The following PKN2 variants were observed in gnomAD, a reference collection of about 807,000 sequenced individuals.
PKN2 encodes the protein serine/threonine-protein kinase N2.
In PKN2, 38 loss-of-function variants were observed where a neutral mutation model predicts 119.1. The ratio of observed to expected loss-of-function variants is 0.32; its 90% CI spans 0.25 to 0.42. PKN2 has a LOEUF of 0.42. PKN2 is among the 10% of genes least tolerant of loss of function. The pLI, the probability that PKN2 is intolerant of heterozygous loss-of-function variation, is 1.00. For missense variants in PKN2, 850 were observed against 1,165.1 expected (o/e 0.73, Z 3.94); for synonymous variants, 390 against 384.9 (o/e 1.01, Z -0.15).
chr1:88,819,793 T>C lies in PKN2; in HGVS notation c.2280-2148T>C, dbSNP rs372899105. Among the ~76,000 whole-genome samples, 55 of 152,050 alleles carry C rather than the reference T, an allele frequency of 3.6e-4. 1 individual carries two copies. The South Asian group carries it at 4.2e-3, about 11-fold the overall frequency. ...TCAATGATAGACTGCATAAAGAAAA[T>C]GTGGCACATATACACCATGAAATAC... On this transcript the variant is annotated intron_variant, in intron 16 of 21. Transcript: ENST00000370521.
intron 6 of PKN2, among the ~76,000 whole-genome samples, chr1:88,781,529 A>T (rs557790439): frequency 6.6e-6 from 1 of 152,110 alleles, no homozygotes; most frequent in East Asian, 1.9e-4. Context: ...TACTTCTTGG[A>T]TTTGCTTGTT....
chr1:88,817,733 G>T (rs1672064304), intron 16 of PKN2, among the ~76,000 whole-genome samples: 2 of 151,156 alleles, frequency 1.3e-5, no homozygotes, highest in African/African-American at 4.9e-5. Context: ...GAAAAGAAAA[G>T]GCCTTCGATA....
chr1:88,754,587 T>C (rs949841348), intron 2 of PKN2, among the ~76,000 whole-genome samples: 1 of 152,190 alleles, frequency 6.6e-6, no homozygotes, highest in African/African-American at 2.4e-5. Context: ...AACACAGAAT[T>C]TGACAAGGAA....
intron 1 of PKN2, among the ~76,000 whole-genome samples, chr1:88,706,723 A>C (rs1667018047): frequency 6.6e-6 from 1 of 152,086 alleles, no homozygotes; most frequent in African/African-American, 2.4e-5. Flanking sequence ...TTCTATTGAG[A>C]CAATAATGGT....
At chr1:88,684,804 C>G (rs1388409559) in intron 1 of PKN2, 176 bp downstream of exon 1, 1 of 543,046 alleles carries the variant, frequency 1.8e-6, no homozygotes, top group Non-Finnish European at 3.1e-6. Context: ...CCCTGGGGAG[C>G]CGGACCCTCT....
intron 3 of PKN2, among the ~76,000 whole-genome samples, chr1:88,765,985 G>A (rs936410159): frequency 6.6e-6 from 1 of 152,050 alleles, no homozygotes; most frequent in Non-Finnish European, 1.5e-5. Context: ...GTAATTTTTT[G>A]TATTTTTGGT....
At chr1:88,747,036 G>GA (rs1371126209) in intron 2 of PKN2, among the ~76,000 whole-genome samples, 1 of 152,144 alleles carries the variant, frequency 6.6e-6, no homozygotes, top group Non-Finnish European at 1.5e-5. Flanking sequence ...CTTATGTGTG[G>GA]AATCTTAAAA....
At chr1:88,775,028 T>C (rs1350412026) in intron 6 of PKN2, among the ~76,000 whole-genome samples, 2 of 152,178 alleles carry the variant, frequency 1.3e-5, no homozygotes, top group Admixed American at 6.5e-5. Flanking sequence ...ACTTTTCTTA[T>C]TCCCTTCTTG....
rs199950121 is a variant in PKN2, at chr1:88,833,910, C to CTT, written c.*468_*469dup. The CTT allele has an allele frequency of 2.0e-5, 3 of 149,492 alleles. No individual in the cohort carries two copies. Among genetic ancestry groups the CTT allele is most frequent in the African/African-American group, 7.6e-5 (3 of 39,466 alleles). 9.3% of individuals were successfully genotyped at this position (149,492 alleles called of 1,614,324 possible). On this transcript the variant is annotated 3_prime_UTR_variant, in exon 22 of 22. Transcript: ENST00000370521. ...TTCTGTTTGAATAAGGCAAATGCTCCTTTTTTTAAAAAAAAAGACATTACT... is the reference window on the plus strand; with the variant it reads ...TTCTGTTTGAATAAGGCAAATGCTCCTTTTTTTTTAAAAAAAAAGACATTACT...
At chr1:88,731,875 A>AG in intron 1 of PKN2, among the ~76,000 whole-genome samples, 1 of 152,184 alleles carries the variant, frequency 6.6e-6, no homozygotes, top group East Asian at 1.9e-4. Context: ...TTCTTATTTC[A>AG]GTGTTTTTCT....
chr1:88,793,830 T>C (rs903017842), intron 8 of PKN2, among the ~76,000 whole-genome samples: 9 of 152,184 alleles, frequency 5.9e-5, no homozygotes, highest in African/African-American at 2.2e-4. Context: ...TTAGGGAATA[T>C]TGACAAGAAA....
chr1:88,813,432 CAT>C (rs200545441), intron 15 of PKN2, 123 bp from the exon 16 acceptor site: 13,327 of 623,166 alleles, frequency 0.021, 210 homozygotes, highest in African/African-American at 0.03. Flanking sequence ...AACTAAGACA[CAT>C]GTTAGGATTT....
intron 4 of PKN2, among the ~76,000 whole-genome samples, chr1:88,770,692 T>TC (rs1246973365): frequency 2.6e-5 from 4 of 151,092 alleles, no homozygotes; most frequent in African/African-American, 9.7e-5. Flanking sequence ...TTCACGCCAT[T>TC]CTCCTGCCTC....
intron 3 of PKN2, among the ~76,000 whole-genome samples, chr1:88,769,364 G>A (rs561449817): frequency 2.5e-4 from 38 of 152,234 alleles, no homozygotes; most frequent in African/African-American, 8.9e-4. Context: ...GAACACAATT[G>A]CTATCTGTGA....
chr1:88,796,993 C>T (rs952207365), intron 8 of PKN2, among the ~76,000 whole-genome samples: 5 of 151,398 alleles, frequency 3.3e-5, no homozygotes, highest in African/African-American at 1.2e-4. Flanking sequence ...CAGTGATTCC[C>T]AAATAGATAC....
intron 2 of PKN2, among the ~76,000 whole-genome samples, chr1:88,748,168 A>T (rs1418932530): frequency 6.6e-6 from 1 of 152,132 alleles, no homozygotes; most frequent in African/African-American, 2.4e-5. Context: ...TTTTAAGATG[A>T]ATTCATCTAA....
At chr1:88,736,418 C>T (rs1668352866) in intron 1 of PKN2, among the ~76,000 whole-genome samples, 1 of 151,972 alleles carries the variant, frequency 6.6e-6, no homozygotes, top group South Asian at 2.1e-4. Context: ...GGCTGGAGTG[C>T]AGTGGAATGA....
At chr1:88,776,348 T>G (rs1279610401) in intron 6 of PKN2, among the ~76,000 whole-genome samples, 1 of 150,612 alleles carries the variant, frequency 6.6e-6, no homozygotes, top group Non-Finnish European at 1.5e-5. Context: ...CTCCCTTAGC[T>G]TTTGTTATCT....
chr1:88,821,621 C>T (rs964287766), intron 16 of PKN2, among the ~76,000 whole-genome samples: 2 of 152,158 alleles, frequency 1.3e-5, no homozygotes, highest in African/African-American at 4.8e-5. Flanking sequence ...TATTATTCCC[C>T]TACAAAACTT....
Sources: gnomAD v4.1 joint callset for allele counts (sites outside exome capture counted in the v4.1 genomes callset) on GRCh38, gnomAD v4.1.1 for gene constraint, MANE v1.5 for transcripts, NCBI Gene and HGNC (gene_info 2026-07-23, HGNC 2026-07-21) for gene names.